LPL: variants seen among roughly 807,000 people sequenced by gnomAD.
The protein encoded by LPL is lipoprotein lipase.
A neutral mutation model predicts 52.2 loss-of-function variants in LPL; 43 were observed. The ratio of observed to expected loss-of-function variants is 0.82; its 90% CI spans 0.64 to 1.06. LPL has a LOEUF of 1.06. Among genes scored for constraint, LPL ranks in the 50% least tolerant of loss-of-function variants. The probability of loss-of-function intolerance (pLI) is 0.00; values close to 1 mark genes in which losing one functional copy is unlikely to be tolerated. For missense variants in LPL, 639 were observed against 585.3 expected (o/e 1.09, Z -0.95); for synonymous variants, 244 against 215.6 (o/e 1.13, Z -1.15).
intron 2 of LPL, 88 bp from the exon 3 acceptor site, chr8:19,951,681 T>C: frequency 6.8e-7 from 1 of 1,460,464 alleles, no homozygotes; most frequent in South Asian, 1.1e-5. Context: ...AAGTTTGTTT[T>C]TTCCATTTCA....
intron 9 of LPL, among the ~76,000 whole-genome samples, chr8:19,962,595 G>C (rs1442717825): frequency 6.6e-6 from 1 of 152,034 alleles, no homozygotes. Context: ...TTGCCGTTCT[G>C]GCTGTGGGTG....
chr8:19,948,580 G>A (rs2069904093), intron 2 of LPL: 2 of 493,924 alleles, frequency 4.0e-6, no homozygotes, highest in Non-Finnish European at 7.2e-6. Flanking sequence ...TTGAGCCAGA[G>A]CTTCCTGCGA....
chr8:19,955,143 T>A (rs1234115531), intron 5 of LPL, among the ~76,000 whole-genome samples: 3 of 152,226 alleles, frequency 2.0e-5, no homozygotes, highest in African/African-American at 7.2e-5. Flanking sequence ...TTACAAGGAA[T>A]TCATTCTTAT....
intron 6 of LPL, among the ~76,000 whole-genome samples, chr8:19,956,842 T>A (rs1234664558): frequency 1.3e-5 from 2 of 152,140 alleles, no homozygotes; most frequent in Non-Finnish European, 2.9e-5. Flanking sequence ...TTTATTTAAT[T>A]TGAGATGAAG....
chr8:19,959,777 C>CT (rs71205952), intron 7 of LPL, among the ~76,000 whole-genome samples: 3,189 of 65,098 alleles, frequency 0.049, 800 homozygotes, highest in East Asian at 0.076. Flanking sequence ...AGTGTTAGCT[C>CT]TTTTTTTTTT....
chr8:19,955,466 C>T (rs1474355334), intron 5 of LPL, among the ~76,000 whole-genome samples: 2 of 151,956 alleles, frequency 1.3e-5, no homozygotes, highest in African/African-American at 4.8e-5. Flanking sequence ...TATTGTAAGG[C>T]AAGGGGCAGG....
intron 1 of LPL, among the ~76,000 whole-genome samples, chr8:19,946,909 T>G (rs1486848592): frequency 6.6e-6 from 1 of 152,230 alleles, no homozygotes; most frequent in Admixed American, 6.5e-5. Context: ...GTTGTCTTTC[T>G]CTTCTCACCA....
At position 19,966,263 on chromosome 8, in the gene LPL, C is replaced by G. The variant is rs1327812528; in HGVS notation, c.*953C>G. ...CTTCAGTTGTACTTCCAGTGCGTCTCTTTTGTTCCTGGCTTTGACATGAAA... is the reference window on the plus strand; with the variant it reads ...CTTCAGTTGTACTTCCAGTGCGTCTGTTTTGTTCCTGGCTTTGACATGAAA... On this transcript the variant is annotated 3_prime_UTR_variant, in exon 10 of 10. Coordinates refer to ENST00000650287, the MANE Select transcript of LPL (RefSeq NM_000237.3). 6.6e-6 allele frequency: 1 copy of G among 152,170 alleles called. No homozygotes were observed. The highest frequency in any genetic ancestry group is 1.5e-5 in the Non-Finnish European group (1 of 68,034). The allele number at this position is 152,170 out of a possible 1,614,324, so 9.4% of individuals were successfully genotyped here.
In LPL at chr8:19,950,508, G is replaced by C. The variant is rs918082870; in HGVS notation, c.250-1261G>C. 4.2e-4 allele frequency among the ~76,000 whole-genome samples: 64 copies of C among 152,236 alleles called. No homozygotes were observed. Among genetic ancestry groups the C allele is most frequent in the Non-Finnish European group, 5.7e-4 (39 of 67,978 alleles). On this transcript the variant is annotated intron_variant, in intron 2 of 9. Coordinates refer to ENST00000650287, the MANE Select transcript of LPL (RefSeq NM_000237.3). The surrounding 1 kb of genome is among the most constrained non-coding windows in gnomAD (Gnocchi z 4.2). ...CCAGCCTTTTTAGATTGCTTAACTT[G>C]GAAACACTGGGCTGGGAGCGGTGGC...
intron 1 of LPL, among the ~76,000 whole-genome samples, chr8:19,940,085 G>A (rs2069819764): frequency 6.6e-6 from 1 of 152,208 alleles, no homozygotes; most frequent in Non-Finnish European, 1.5e-5. Context: ...CGCCCTCGGC[G>A]GGGCCCCTCG....
At chr8:19,940,177 G>A (rs959168114) in intron 1 of LPL, among the ~76,000 whole-genome samples, 1 of 152,216 alleles carries the variant, frequency 6.6e-6, no homozygotes, top group African/African-American at 2.4e-5. Flanking sequence ...CGTCCCACCC[G>A]CTCTGGGGAG....
chr8:19,940,878 C>T (rs2069832480), intron 1 of LPL, among the ~76,000 whole-genome samples: 1 of 152,122 alleles, frequency 6.6e-6, no homozygotes, highest in Admixed American at 6.5e-5. Flanking sequence ...ACAGCTTGAG[C>T]CCAGAAGTTC....
chr8:19,941,376 CA>C (rs2069837651), intron 1 of LPL, among the ~76,000 whole-genome samples: 1 of 152,168 alleles, frequency 6.6e-6, no homozygotes, highest in Non-Finnish European at 1.5e-5. Flanking sequence ...TCATCACATT[CA>C]AGTTTTTCCT....
intron 9 of LPL, 93 bp from the exon 10 acceptor site, chr8:19,965,217 G>C: frequency 1.3e-6 from 1 of 765,166 alleles, no homozygotes; most frequent in Non-Finnish European, 2.4e-6. Context: ...CCATTTGAAG[G>C]CTTTTTCCAT....
At position 19,956,145 on chromosome 8, in the gene LPL, A is replaced by G. The variant is rs2069983548; in HGVS notation, c.1018+62A>G. ...AGTCCTATTTCATCATGCTCACTGC[A>G]TCACATGTACTGATTCTGTCCATTG... is the stretch of plus-strand genomic sequence containing the variant. On this transcript the variant is annotated intron_variant, in intron 6 of 9. Transcript: ENST00000650287. The G allele has an allele frequency of 5.0e-6, 8 of 1,604,972 alleles. No individual in the cohort carries two copies. The South Asian group carries it at 7.7e-5, about 16-fold the overall frequency.
At chr8:19,942,575 C>T (rs575220950) in intron 1 of LPL, among the ~76,000 whole-genome samples, 8 of 152,306 alleles carry the variant, frequency 5.3e-5, no homozygotes, top group Non-Finnish European at 1.0e-4. Flanking sequence ...TACCTTTTAT[C>T]AACAGAGACT....
chr8:19,940,446 G>A (rs940875057), intron 1 of LPL, among the ~76,000 whole-genome samples: 2 of 152,232 alleles, frequency 1.3e-5, no homozygotes, highest in Non-Finnish European at 1.5e-5. Context: ...GAGCACAACG[G>A]TGGTCACCGC....
At chr8:19,952,914 A>T (rs547366232) in intron 3 of LPL, among the ~76,000 whole-genome samples, 1 of 152,344 alleles carries the variant, frequency 6.6e-6, no homozygotes, top group East Asian at 1.9e-4. Flanking sequence ...ATATGCATGC[A>T]TATAAATGTA....
At position 19,939,552 on chromosome 8, in the gene LPL, C is replaced by T. The variant is rs778200544; in HGVS notation, c.88+24C>T. Reference sequence around the variant, plus strand: ...CCGTAAGTTTTGCGCGCAAACTCCCCTCCACCTGCAGACCCGGCGGGTGGC... The same window carrying T: ...CCGTAAGTTTTGCGCGCAAACTCCCTTCCACCTGCAGACCCGGCGGGTGGC... On this transcript the variant is annotated intron_variant, in intron 1 of 9. Transcript: ENST00000650287. The surrounding 1 kb of genome is among the most constrained non-coding windows in gnomAD (Gnocchi z 4.0). 2 of 1,598,200 alleles carry T rather than the reference C, an allele frequency of 1.3e-6. No homozygotes were observed. The highest frequency in any genetic ancestry group is 2.2e-5 in the South Asian group (2 of 89,178).
Sources: allele counts gnomAD v4.1 joint callset (sites outside exome capture counted in the v4.1 genomes callset), GRCh38; gene constraint gnomAD v4.1.1; non-coding constraint Gnocchi (gnomAD v3.1); transcripts MANE v1.5; gene names NCBI Gene and HGNC (gene_info 2026-07-23, HGNC 2026-07-21).